LARGE1: variants seen among roughly 807,000 people sequenced by gnomAD.
LARGE1 encodes the protein xylosyl- and glucuronyltransferase LARGE1.
A neutral mutation model predicts 87.6 loss-of-function variants in LARGE1; 43 were observed. The observed-to-expected ratio is 0.49, with a 90% CI of 0.38 to 0.63. LARGE1 has a LOEUF of 0.63. Ranked by LOEUF, LARGE1 falls within the 30% of genes least tolerant of loss-of-function variation. The probability of loss-of-function intolerance (pLI) is 0.00; values close to 1 mark genes in which losing one functional copy is unlikely to be tolerated. For missense variants in LARGE1, 802 were observed against 1,000.2 expected, an observed-to-expected ratio of 0.80 and a Z score of 2.67; for synonymous variants, 434 against 394.6, an observed-to-expected ratio of 1.10 and a Z score of -1.18.
chr22:33,080,717 G>A, the LARGE1 span, among the ~76,000 whole-genome samples: 1 of 152,132 alleles, frequency 6.6e-6, no homozygotes, highest in Admixed American at 6.5e-5. Context: ...TAAGTAACTT[G>A]CCCAAAGTTA....
chr22:33,341,483 G>A (rs1939136775), intron 9 of LARGE1, among the ~76,000 whole-genome samples: 2 of 152,086 alleles, frequency 1.3e-5, no homozygotes, highest in Non-Finnish European at 2.9e-5. Flanking sequence ...GAGAGGACTG[G>A]AAGACCCAGC....
At chr22:33,317,883 T>C (rs866239916) in intron 10 of LARGE1, among the ~76,000 whole-genome samples, 2 of 152,238 alleles carry the variant, frequency 1.3e-5, no homozygotes, top group African/African-American at 4.8e-5. Flanking sequence ...CCACCATGAC[T>C]GGAGCGATGG....
At chr22:33,685,848 G>A (rs1603140081) in intron 2 of LARGE1, among the ~76,000 whole-genome samples, 1 of 152,286 alleles carries the variant, frequency 6.6e-6, no homozygotes, top group East Asian at 1.9e-4. Context: ...ACAGTAGAAT[G>A]TGTGTCACAC....
intron 11 of LARGE1, among the ~76,000 whole-genome samples, chr22:33,216,816 G>A (rs1367595807): frequency 6.6e-6 from 1 of 152,160 alleles, no homozygotes; most frequent in African/African-American, 2.4e-5. Context: ...AGGCAGAAAA[G>A]AAGAAAGATA....
intron 1 of LARGE1, among the ~76,000 whole-genome samples, chr22:33,807,683 C>G (rs78959972): frequency 6.6e-6 from 1 of 152,212 alleles, no homozygotes; most frequent in East Asian, 1.9e-4. Context: ...CTTCCCAACC[C>G]CTGGCAACCA....
Position 33,273,696 on chromosome 22 carries a change from G to C in LARGE1, c.*731C>G, listed in dbSNP as rs898574816. Reference sequence around the variant, plus strand: ...CCGAAGATGCTTGACCTCCTTCCTGGGCCACTGCTGATAGAGGGTGGTTGG... The same window carrying C: ...CCGAAGATGCTTGACCTCCTTCCTGCGCCACTGCTGATAGAGGGTGGTTGG... On this transcript the variant is annotated 3_prime_UTR_variant, in exon 15 of 15. Transcript: ENST00000397394. The C allele has an allele frequency of 6.0e-5, 24 of 398,440 alleles. No individual in the cohort carries two copies. Among genetic ancestry groups the C allele is most frequent in the Non-Finnish European group, 1.1e-4 (24 of 226,430 alleles). The allele number at this position is 398,440 out of a possible 1,614,324, so 24.7% of individuals were successfully genotyped here. A position where few individuals can be genotyped will look rare whatever the true frequency, so the allele number is the denominator to read the frequency against.
At chr22:33,559,895 G>A (rs1434910318) in intron 6 of LARGE1, among the ~76,000 whole-genome samples, 1 of 152,086 alleles carries the variant, frequency 6.6e-6, no homozygotes, top group Non-Finnish European at 1.5e-5. Flanking sequence ...CCCTGCCTTT[G>A]TTCTCTGAAT....
At chr22:33,833,254 G>A (rs1274076120) in intron 1 of LARGE1, among the ~76,000 whole-genome samples, 5 of 152,230 alleles carry the variant, frequency 3.3e-5, no homozygotes, top group Middle Eastern at 3.4e-3. Flanking sequence ...AGTGACCCTC[G>A]GTTACAGGCT....
At chr22:33,662,490 C>T (rs577204448) in intron 2 of LARGE1, among the ~76,000 whole-genome samples, 1 of 152,230 alleles carries the variant, frequency 6.6e-6, no homozygotes, top group East Asian at 1.9e-4. Flanking sequence ...CTTGCCTAGC[C>T]TTCTATGGAG....
chr22:33,369,003 G>A (rs75582194), intron 9 of LARGE1, among the ~76,000 whole-genome samples: 1,773 of 152,172 alleles, frequency 0.012, 22 homozygotes, highest in African/African-American at 0.035. Context: ...GGTGGTTGTG[G>A]CCAATTTCTT....
At chr22:33,148,643 G>A in the LARGE1 span, among the ~76,000 whole-genome samples, 96,179 of 152,030 alleles carry the variant, frequency 0.63, 32,242 homozygotes, top group African/African-American at 0.87. Flanking sequence ...AAATTCATAT[G>A]TAAATTTTGC....
the LARGE1 span, chr22:33,105,475 A>T: frequency 2.0e-5 from 3 of 152,200 alleles, no homozygotes; most frequent in African/African-American, 7.2e-5. Context: ...CCAATTCTGT[A>T]GGAGCCCTTG....
chr22:33,472,653 T>G (rs961750405), intron 6 of LARGE1, among the ~76,000 whole-genome samples: 1 of 152,168 alleles, frequency 6.6e-6, no homozygotes, highest in African/African-American at 2.4e-5. Context: ...AGATAGTCAT[T>G]TTAGTGAAAA....
At chr22:33,550,152 CACACACACACACACACACACACACAT>C (rs965462288) in intron 6 of LARGE1, among the ~76,000 whole-genome samples, 2 of 143,204 alleles carry the variant, frequency 1.4e-5, no homozygotes, top group Non-Finnish European at 3.0e-5. Context: ...TACACACACA[CACACACACACACACACACACACACAT>C]ATATATATAT....
intron 1 of LARGE1, among the ~76,000 whole-genome samples, chr22:33,854,848 C>A (rs2063711825): frequency 6.6e-6 from 1 of 152,138 alleles, no homozygotes; most frequent in Admixed American, 6.5e-5. Flanking sequence ...GATATGCCAA[C>A]TGGATGCAAG....
At chr22:33,210,692 G>T (rs1043723753) in intron 11 of LARGE1, among the ~76,000 whole-genome samples, 1 of 152,282 alleles carries the variant, frequency 6.6e-6, no homozygotes, top group African/African-American at 2.4e-5. Flanking sequence ...TTGCCATAGA[G>T]AAGCACTGGG....
chr22:33,663,431 A>G (rs987407539), intron 2 of LARGE1, among the ~76,000 whole-genome samples: 4 of 152,208 alleles, frequency 2.6e-5, no homozygotes, highest in Non-Finnish European at 4.4e-5. Context: ...CAATACCACT[A>G]TAAGGCAAAG....
chr22:33,778,277 CCT>C lies in LARGE1; in HGVS notation c.-82-16721_-82-16720del, dbSNP rs144417790. Among the ~76,000 whole-genome samples, 706 of 152,240 alleles carry C rather than the reference CCT, an allele frequency of 4.6e-3. 4 individuals are homozygous for C. The highest frequency in any genetic ancestry group is 0.016 in the African/African-American group (660 of 41,534). On this transcript the variant is annotated intron_variant, in intron 1 of 14. Coordinates refer to ENST00000397394, the MANE Select transcript of LARGE1 (RefSeq NM_133642.5). The stretch of plus-strand genomic sequence containing the variant: ...CTTTAACCCTTGTTTCAAGATACCC[CCT>C]GATTTGAGCCACATAAATATCCTTG...
intron 7 of LARGE1, among the ~76,000 whole-genome samples, chr22:33,421,174 A>C (rs2066679063): frequency 6.6e-6 from 1 of 152,062 alleles, no homozygotes; most frequent in Non-Finnish European, 1.5e-5. Context: ...TGGGCGACAG[A>C]GTGAGCCTCT....
Sources: gnomAD v4.1 joint callset for allele counts (sites outside exome capture counted in the v4.1 genomes callset) on GRCh38, gnomAD v4.1.1 for gene constraint, MANE v1.5 for transcripts, NCBI Gene and HGNC (gene_info 2026-07-23, HGNC 2026-07-21) for gene names.